ARFGEF3: variants seen among roughly 807,000 people sequenced by gnomAD.
ARFGEF3 encodes brefeldin A-inhibited guanine nucleotide-exchange protein 3.
Under a neutral mutation model 221.7 loss-of-function variants are expected in ARFGEF3, and 96 were observed. The observed-to-expected ratio is 0.43, with a 90% CI of 0.37 to 0.51. The LOEUF is 0.51. ARFGEF3 is among the 20% of genes least tolerant of loss of function. The pLI is 0.00. For missense variants in ARFGEF3, 2,410 were observed against 2,789.9 expected, an observed-to-expected ratio of 0.86 and a Z score of 3.07; for synonymous variants, 1,145 against 1,126.8, an observed-to-expected ratio of 1.02 and a Z score of -0.32.
chr6:138,265,093 C>T (rs942349962), intron 12 of ARFGEF3, among the ~76,000 whole-genome samples: 6 of 152,010 alleles, frequency 3.9e-5, no homozygotes, highest in East Asian at 3.9e-4. Context: ...TTAGTAGAGA[C>T]AGGGTTTCGC....
In ARFGEF3 at chr6:138,308,720, T is replaced by C; in HGVS notation, c.3974-19T>C. 1 of 1,613,740 alleles carries C rather than the reference T, an allele frequency of 6.2e-7. No individual in the cohort carries two copies. Among genetic ancestry groups the C allele is most frequent in the Non-Finnish European group, 8.5e-7 (1 of 1,179,752 alleles). On this transcript the variant is annotated intron_variant, in intron 23 of 33. Transcript: ENST00000251691. ...GCAGAAACTTACTTTCTTACAATTCTATAATCTTCCTCCCTTAGGAAAAGG... is the reference window on the plus strand; with the variant it reads ...GCAGAAACTTACTTTCTTACAATTCCATAATCTTCCTCCCTTAGGAAAAGG...
At chr6:138,326,995 G>T (rs1250613314) in intron 31 of ARFGEF3, among the ~76,000 whole-genome samples, 1 of 152,140 alleles carries the variant, frequency 6.6e-6, no homozygotes, top group African/African-American at 2.4e-5. Context: ...GCAAACTAAC[G>T]CAGGGACAGA....
intron 12 of ARFGEF3, among the ~76,000 whole-genome samples, chr6:138,263,956 G>C (rs185441924): frequency 1.3e-5 from 2 of 152,228 alleles, no homozygotes; most frequent in Admixed American, 6.5e-5. Context: ...TCTATGTCTT[G>C]GTGTCTAAAA....
chr6:138,319,633 C>G (rs1310483111), intron 27 of ARFGEF3, 70 bp from the exon 28 acceptor site: 1 of 1,113,474 alleles, frequency 9.0e-7, no homozygotes, highest in East Asian at 2.4e-5. Flanking sequence ...AAGAGATCAA[C>G]AATGCCAGGT....
chr6:138,258,071 C>G (rs564804201), intron 10 of ARFGEF3, among the ~76,000 whole-genome samples: 1 of 152,238 alleles, frequency 6.6e-6, no homozygotes, highest in South Asian at 2.1e-4. Context: ...AACAATTTTC[C>G]CATTGCCCAG....
In ARFGEF3 at chr6:138,162,205, G is replaced by A. The variant is rs1390583685; in HGVS notation, c.85+34G>A. 13 of 1,542,756 alleles carry A rather than the reference G, an allele frequency of 8.4e-6. No homozygotes were observed. The highest frequency in any genetic ancestry group is 1.1e-5 in the Non-Finnish European group (12 of 1,129,970). On this transcript the variant is annotated intron_variant, in intron 1 of 33. Transcript: ENST00000251691. This position sits in a 1 kb window ranked among gnomAD's most constrained non-coding sequence, Gnocchi z 4.7. ...CCGGCACCTGCTCGCCGCGGCGGGA[G>A]GGCCGCGCGGCCGGGGCTGAACCCG...
intron 2 of ARFGEF3, among the ~76,000 whole-genome samples, chr6:138,192,213 G>T (rs955877906): frequency 1.3e-5 from 2 of 151,880 alleles, no homozygotes; most frequent in Non-Finnish European, 1.5e-5. Context: ...TCGGGGCCAG[G>T]CAAGGTGGTT....
chr6:138,313,996 C>G (rs1426093226), intron 26 of ARFGEF3, 57 bp downstream of exon 26: 14 of 1,564,814 alleles, frequency 8.9e-6, no homozygotes, highest in Non-Finnish European at 1.0e-5. Context: ...TTCCCAGAAG[C>G]TTAAGTCATA....
chr6:138,211,217 T>C (rs1356509938), intron 4 of ARFGEF3, among the ~76,000 whole-genome samples: 1 of 152,196 alleles, frequency 6.6e-6, no homozygotes, highest in Non-Finnish European at 1.5e-5. Context: ...ATGTTATATA[T>C]CACTACTTGT....
chr6:138,262,548 T>C (rs1303006752), intron 11 of ARFGEF3, among the ~76,000 whole-genome samples, 153 bp from the exon 12 acceptor site: 1 of 152,252 alleles, frequency 6.6e-6, no homozygotes, highest in Non-Finnish European at 1.5e-5. Context: ...TGTTTGTTTC[T>C]TTTATTCATT....
intron 12 of ARFGEF3, among the ~76,000 whole-genome samples, chr6:138,265,624 G>C (rs934381659): frequency 6.6e-5 from 10 of 151,978 alleles, no homozygotes; most frequent in Admixed American, 5.9e-4. Flanking sequence ...GTTTGTGTCT[G>C]TCTGTCTGTC....
At chr6:138,307,482 T>TCTGTCTTCCCTATTGTTC in intron 23 of ARFGEF3, 85 bp downstream of exon 23, 1 of 1,208,576 alleles carries the variant, frequency 8.3e-7, no homozygotes, top group Non-Finnish European at 1.2e-6. Flanking sequence ...AATTGAACAA[T>TCTGTCTTCCCTATTGTTC]AGGGAAGACA....
chr6:138,252,153 A>G (rs1392804015), intron 8 of ARFGEF3, among the ~76,000 whole-genome samples: 1 of 152,180 alleles, frequency 6.6e-6, no homozygotes, highest in East Asian at 1.9e-4. Flanking sequence ...ATATCCAAAT[A>G]TAAGTGGCAT....
chr6:138,324,362 G>A (rs929272891), intron 31 of ARFGEF3, among the ~76,000 whole-genome samples: 7 of 152,090 alleles, frequency 4.6e-5, no homozygotes, highest in Non-Finnish European at 1.0e-4. Context: ...CATCTCATTT[G>A]TTGCATCCTC....
intron 32 of ARFGEF3, among the ~76,000 whole-genome samples, chr6:138,333,205 C>T (rs1361314948): frequency 6.6e-6 from 1 of 152,124 alleles, no homozygotes; most frequent in Non-Finnish European, 1.5e-5. Context: ...GGTTGAGCAT[C>T]CCTAACCCCA....
intron 22 of ARFGEF3, among the ~76,000 whole-genome samples, chr6:138,305,098 A>G (rs1779696010): frequency 6.6e-6 from 1 of 151,732 alleles, no homozygotes; most frequent in African/African-American, 2.4e-5. Flanking sequence ...CCTTCCCACA[A>G]TAACCCAAGC....
At chr6:138,265,045 A>C (rs1035365927) in intron 12 of ARFGEF3, among the ~76,000 whole-genome samples, 4 of 151,748 alleles carry the variant, frequency 2.6e-5, no homozygotes, top group Non-Finnish European at 5.9e-5. Context: ...CTGGGACTAC[A>C]GGCGCCCACC....
chr6:138,249,242 T>C (rs1339655353), intron 8 of ARFGEF3, among the ~76,000 whole-genome samples: 2 of 152,208 alleles, frequency 1.3e-5, no homozygotes, highest in African/African-American at 2.4e-5. Flanking sequence ...TATTAGAAAC[T>C]AAAGGTTGTA....
At chr6:138,233,220 G>A (rs1450674486) in intron 5 of ARFGEF3, among the ~76,000 whole-genome samples, 1 of 152,116 alleles carries the variant, frequency 6.6e-6, no homozygotes, top group African/African-American at 2.4e-5. Context: ...TCAGAGGATG[G>A]GAGGTTTGTA....
Sources: gnomAD v4.1 joint callset for allele counts (sites outside exome capture counted in the v4.1 genomes callset) on GRCh38, gnomAD v4.1.1 for gene constraint, Gnocchi (gnomAD v3.1) non-coding constraint, MANE v1.5 for transcripts, NCBI Gene and HGNC (gene_info 2026-07-23, HGNC 2026-07-21) for gene names.